Variants in CENPP observed in about 807,000 individuals in gnomAD.
CENPP encodes centromere protein P.
In CENPP, 24 loss-of-function variants were observed where a neutral mutation model predicts 35.6. The observed-to-expected ratio is 0.67, with a 90% CI of 0.49 to 0.95. CENPP has a LOEUF of 0.95. CENPP is among the 40% of genes least tolerant of loss of function. The pLI is 0.00. For missense variants in CENPP, 332 were observed against 345.3 expected (o/e 0.96, Z 0.31); for synonymous variants, 120 against 125.5 (o/e 0.96, Z 0.29).
At position 92,389,717 on chromosome 9, in the gene CENPP, T is replaced by G. The variant is rs939824565; in HGVS notation, c.564+9858T>G. On this transcript the variant is annotated intron_variant, in intron 5 of 7. Transcript: ENST00000375587. ...ATGAGCCTAATAGGATGGTTATTTA[T>G]TATGTAAATAATGTCTTCATTTATT... 1.6e-5 allele frequency: 10 copies of G among 608,652 alleles called. No homozygotes were observed. The African/African-American group carries it at 1.9e-4, about 11-fold the overall frequency. The allele number at this position is 608,652 out of a possible 1,614,324, so 37.7% of individuals were successfully genotyped here.
chr9:92,345,281 T>C (rs1841257813), intron 3 of CENPP, among the ~76,000 whole-genome samples: 1 of 150,250 alleles, frequency 6.7e-6, no homozygotes, highest in South Asian at 2.1e-4. Context: ...ACAAACGAGA[T>C]TGAGACCATC....
chr9:92,462,225 A>T (rs1290250342), intron 5 of CENPP, among the ~76,000 whole-genome samples: 27 of 152,140 alleles, frequency 1.8e-4, no homozygotes, highest in Non-Finnish European at 2.9e-5. Flanking sequence ...CGATCCGCCT[A>T]CCTTGGCCTC....
intron 5 of CENPP, among the ~76,000 whole-genome samples, chr9:92,507,028 C>T (rs1388251692): frequency 6.6e-6 from 1 of 152,126 alleles, no homozygotes; most frequent in Non-Finnish European, 1.5e-5. Context: ...CTGCCTCAGC[C>T]TCCCGAGTAT....
intron 5 of CENPP, among the ~76,000 whole-genome samples, chr9:92,540,786 A>G (rs947669573): frequency 2.0e-5 from 3 of 151,674 alleles, no homozygotes; most frequent in African/African-American, 7.3e-5. Context: ...AAAAAAAATC[A>G]TCAATGAAGT....
intron 5 of CENPP, among the ~76,000 whole-genome samples, chr9:92,554,486 A>G (rs7849927): frequency 0.42 from 63,563 of 151,758 alleles, 15,482 homozygotes; most frequent in African/African-American, 0.67. Flanking sequence ...CCCTGCTTTT[A>G]CCTTTAATTC....
chr9:92,462,441 C>T (rs1208578981), intron 5 of CENPP, among the ~76,000 whole-genome samples: 1 of 152,148 alleles, frequency 6.6e-6, no homozygotes, highest in East Asian at 1.9e-4. Context: ...AAGGGACTGA[C>T]CAGAAGATTC....
intron 4 of CENPP, among the ~76,000 whole-genome samples, chr9:92,351,259 G>A (rs1417215996): frequency 6.6e-6 from 1 of 152,126 alleles, no homozygotes; most frequent in African/African-American, 2.4e-5. Context: ...GGGAGGCTGA[G>A]GCGGGTGGAT....
chr9:92,587,090 TG>T (rs1293461605), intron 5 of CENPP, among the ~76,000 whole-genome samples: 1 of 151,948 alleles, frequency 6.6e-6, no homozygotes, highest in Non-Finnish European at 1.5e-5. Context: ...AATGAACAAC[TG>T]TCCTAAATAT....
At chr9:92,391,069 A>C in intron 5 of CENPP, among the ~76,000 whole-genome samples, 1 of 151,812 alleles carries the variant, frequency 6.6e-6, no homozygotes, top group Admixed American at 6.6e-5. Context: ...GTTCGAGACC[A>C]GCCTGGCCAA....
At chr9:92,602,730 G>T (rs551590565) in intron 5 of CENPP, among the ~76,000 whole-genome samples, 1 of 152,326 alleles carries the variant, frequency 6.6e-6, no homozygotes, top group East Asian at 1.9e-4. Context: ...CCATGTCTCA[G>T]CATGGCGCAA....
intron 5 of CENPP, among the ~76,000 whole-genome samples, chr9:92,390,560 TTCAG>T (rs1842630673): frequency 7.9e-6 from 1 of 126,652 alleles, no homozygotes; most frequent in African/African-American, 2.7e-5. Context: ...GAGAGAGAAA[TTCAG>T]TGTGTGTGTG....
intron 5 of CENPP, among the ~76,000 whole-genome samples, chr9:92,539,496 A>T (rs909932450): frequency 6.6e-6 from 1 of 152,096 alleles, no homozygotes; most frequent in African/African-American, 2.4e-5. Context: ...ATTTGCGTTC[A>T]GTTGATGCAG....
chr9:92,559,214 C>T (rs1849794424), intron 5 of CENPP, among the ~76,000 whole-genome samples: 1 of 152,196 alleles, frequency 6.6e-6, no homozygotes, highest in Non-Finnish European at 1.5e-5. Context: ...TACCCCTGCT[C>T]CTCTGGCCGC....
At chr9:92,442,525 G>A (rs1348789251) in intron 5 of CENPP, among the ~76,000 whole-genome samples, 1 of 151,602 alleles carries the variant, frequency 6.6e-6, no homozygotes, top group Non-Finnish European at 1.5e-5. Flanking sequence ...CAGAATAAAG[G>A]AAAATTATAT....
chr9:92,405,919 A>G (rs1374244323), intron 5 of CENPP, among the ~76,000 whole-genome samples: 2 of 152,212 alleles, frequency 1.3e-5, no homozygotes, highest in Admixed American at 6.5e-5. Context: ...CAGATAAGCA[A>G]ACTTCAGTTT....
intron 5 of CENPP, among the ~76,000 whole-genome samples, chr9:92,524,540 G>A (rs1371729949): frequency 6.6e-6 from 1 of 152,122 alleles, no homozygotes; most frequent in East Asian, 1.9e-4. Flanking sequence ...AGTTTTGACT[G>A]CCTCTCAGAA....
intron 5 of CENPP, among the ~76,000 whole-genome samples, chr9:92,413,107 C>T (rs547909205): frequency 4.5e-4 from 67 of 150,140 alleles, no homozygotes; most frequent in African/African-American, 1.6e-3. Context: ...GCCTCAGCCT[C>T]GCAAGTAGCC....
intron 5 of CENPP, among the ~76,000 whole-genome samples, chr9:92,563,653 CAATT>C (rs1037771172): frequency 6.6e-6 from 1 of 152,176 alleles, no homozygotes; most frequent in African/African-American, 2.4e-5. Flanking sequence ...TTCAAACACT[CAATT>C]ATTTTGTTTT....
chr9:92,394,473 G>A (rs1336159696), intron 5 of CENPP, among the ~76,000 whole-genome samples: 5 of 150,150 alleles, frequency 3.3e-5, no homozygotes, highest in Non-Finnish European at 7.4e-5. Context: ...GGCTGGTCTC[G>A]AACATGACCT....
Sources: gnomAD v4.1 joint callset for allele counts (sites outside exome capture counted in the v4.1 genomes callset) on GRCh38, gnomAD v4.1.1 for gene constraint, MANE v1.5 for transcripts, NCBI Gene and HGNC (gene_info 2026-07-23, HGNC 2026-07-21) for gene names.